Variants in SEPTIN11 observed in about 807,000 individuals in gnomAD.
SEPTIN11 encodes the protein septin 11.
Under a neutral mutation model 51.4 loss-of-function variants are expected in SEPTIN11, and 25 were observed. The observed-to-expected ratio is 0.49, with a 90% CI of 0.35 to 0.68. The LOEUF (loss-of-function observed/expected upper bound fraction) is 0.68, where lower values mean the gene tolerates loss of function less well. Among genes scored for constraint, SEPTIN11 ranks in the 30% least tolerant of loss-of-function variants. The pLI is 0.00. For synonymous variants in SEPTIN11, 174 were observed against 184.1 expected (o/e 0.95, Z 0.44); for missense variants, 381 against 520.8 (o/e 0.73, Z 2.61).
chr4:76,967,740 GTTT>G (rs34274962), intron 1 of SEPTIN11, among the ~76,000 whole-genome samples: 78,200 of 149,106 alleles, frequency 0.52, 20,911 homozygotes, highest in Middle Eastern at 0.61. Context: ...ACCATTAATA[GTTT>G]TTTTTTTTTT....
chr4:77,011,546 T>C (rs950200606), intron 3 of SEPTIN11, among the ~76,000 whole-genome samples, 189 bp from the exon 4 acceptor site: 6 of 149,986 alleles, frequency 4.0e-5, no homozygotes, highest in South Asian at 4.3e-4. Flanking sequence ...CTACAAATGA[T>C]TGGGCGTGGC....
intron 2 of SEPTIN11, among the ~76,000 whole-genome samples, chr4:76,997,566 C>T (rs538912823): frequency 2.6e-5 from 4 of 152,130 alleles, no homozygotes; most frequent in Admixed American, 6.5e-5. Flanking sequence ...TTGGCAGGCA[C>T]GCTACACCAA....
At chr4:76,953,023 G>A (rs1262025048) in intron 1 of SEPTIN11, among the ~76,000 whole-genome samples, 1 of 152,204 alleles carries the variant, frequency 6.6e-6, no homozygotes, top group Non-Finnish European at 1.5e-5. Flanking sequence ...ATTTGGGTTA[G>A]CCTGCTCCCC....
intron 1 of SEPTIN11, among the ~76,000 whole-genome samples, chr4:76,976,898 C>T (rs984897720): frequency 2.6e-5 from 4 of 152,198 alleles, no homozygotes; most frequent in African/African-American, 9.6e-5. Flanking sequence ...GTCCCTGTCA[C>T]TTATAGCCAA....
chr4:76,989,047 C>T (rs1369378032), intron 1 of SEPTIN11, among the ~76,000 whole-genome samples: 1 of 152,210 alleles, frequency 6.6e-6, no homozygotes, highest in Non-Finnish European at 1.5e-5. Context: ...GCATCTCTAA[C>T]ATCCAGATTA....
intron 1 of SEPTIN11, among the ~76,000 whole-genome samples, chr4:76,965,061 AC>A (rs1486447282): frequency 2.0e-5 from 3 of 151,902 alleles, no homozygotes; most frequent in Non-Finnish European, 2.9e-5. Context: ...GATTCTTATG[AC>A]CTCTTTGAGA....
At chr4:76,951,613 A>G (rs909642595) in intron 1 of SEPTIN11, among the ~76,000 whole-genome samples, 5 of 152,248 alleles carry the variant, frequency 3.3e-5, no homozygotes, top group African/African-American at 1.2e-4. Context: ...CTTTAGATAA[A>G]TTGGCAAACG....
chr4:77,036,665 A>C lies in SEPTIN11; in HGVS notation c.*2153A>C. On this transcript the variant is annotated 3_prime_UTR_variant, in exon 10 of 10. Transcript: ENST00000264893. ...CAAATAGAAGCTTTTTTTTTTAAAA[A>C]ATGTATTGCTTCTGAACTTTTTTCT... 6.7e-7 allele frequency: 1 copy of C among 1,500,018 alleles called. No individual in the cohort carries two copies. The highest frequency in any genetic ancestry group is 2.5e-5 in the Admixed American group (1 of 39,698). The allele number at this position is 1,500,018 out of a possible 1,614,324, so 92.9% of individuals were successfully genotyped here.
intron 1 of SEPTIN11, among the ~76,000 whole-genome samples, chr4:76,995,613 A>AG (rs988382282): frequency 6.6e-6 from 1 of 152,114 alleles, no homozygotes; most frequent in African/African-American, 2.4e-5. Context: ...CTGCATCTTG[A>AG]GAAAAAAAGG....
Position 77,035,292 on chromosome 4 carries a change from T to A in SEPTIN11, c.*780T>A, listed in dbSNP as rs986599711. ...GTAACATTGCTTAGTAGAAGAATCT[T>A]CTTCTAAGGATGATGGGCTTTCTAC... On this transcript the variant is annotated 3_prime_UTR_variant, in exon 10 of 10. Coordinates refer to ENST00000264893, the MANE Select transcript of SEPTIN11 (RefSeq NM_018243.4). 1 of 985,332 alleles carries A rather than the reference T, an allele frequency of 1.0e-6. No individual in the cohort carries two copies. The highest frequency in any genetic ancestry group is 1.2e-6 in the Non-Finnish European group (1 of 829,942). 61.0% of individuals were successfully genotyped at this position (985,332 alleles called of 1,614,324 possible).
intron 1 of SEPTIN11, among the ~76,000 whole-genome samples, chr4:76,994,155 G>A (rs1160270299): frequency 6.6e-6 from 1 of 152,158 alleles, no homozygotes; most frequent in Non-Finnish European, 1.5e-5. Context: ...TACCGTTCAC[G>A]AACGGTTGAA....
chr4:77,010,200 GAC>G (rs1724764346), intron 3 of SEPTIN11, among the ~76,000 whole-genome samples: 1 of 152,138 alleles, frequency 6.6e-6, no homozygotes, highest in Admixed American at 6.5e-5. Context: ...AGGAAATTGA[GAC>G]ACAGAGAGGT....
intron 1 of SEPTIN11, among the ~76,000 whole-genome samples, chr4:76,951,498 GA>G (rs1006904354): frequency 8.6e-5 from 13 of 151,868 alleles, no homozygotes; most frequent in Admixed American, 8.5e-4. Flanking sequence ...TGAGAAAATT[GA>G]GGTCTATAGA....
intron 4 of SEPTIN11, among the ~76,000 whole-genome samples, 178 bp from the exon 5 acceptor site, chr4:77,014,678 G>T (rs528836487): frequency 2.5e-4 from 37 of 149,096 alleles, no homozygotes; most frequent in African/African-American, 8.1e-4. Context: ...AAAAAAAATT[G>T]TAGGTACATA....
intron 8 of SEPTIN11, among the ~76,000 whole-genome samples, chr4:77,029,299 T>C (rs1465678252): frequency 6.6e-6 from 1 of 152,160 alleles, no homozygotes; most frequent in East Asian, 1.9e-4. Flanking sequence ...GAAGTTAACA[T>C]AGATTTATAC....
intron 5 of SEPTIN11, among the ~76,000 whole-genome samples, chr4:77,018,796 C>T (rs555443952): frequency 6.6e-6 from 1 of 152,258 alleles, no homozygotes; most frequent in South Asian, 2.1e-4. Flanking sequence ...TTTTACGTTG[C>T]TTCCATTTTA....
intron 1 of SEPTIN11, among the ~76,000 whole-genome samples, chr4:76,995,592 G>A (rs1723656589): frequency 6.6e-6 from 1 of 152,050 alleles, no homozygotes; most frequent in Non-Finnish European, 1.5e-5. Context: ...CTGAGGGACT[G>A]TAGCTGATCT....
intron 1 of SEPTIN11, among the ~76,000 whole-genome samples, chr4:76,966,453 A>G (rs1461426242): frequency 2.0e-5 from 3 of 152,032 alleles, no homozygotes; most frequent in African/African-American, 7.2e-5. Flanking sequence ...AAGCCACAAG[A>G]TGAGTATAGC....
chr4:77,002,407 T>C (rs182181245), intron 2 of SEPTIN11, among the ~76,000 whole-genome samples: 1 of 152,218 alleles, frequency 6.6e-6, no homozygotes, highest in South Asian at 2.1e-4. Flanking sequence ...TTTATTGCTA[T>C]TCTTAGGGAA....
Sources: gnomAD v4.1 joint callset for allele counts (sites outside exome capture counted in the v4.1 genomes callset) on GRCh38, gnomAD v4.1.1 for gene constraint, MANE v1.5 for transcripts, NCBI Gene and HGNC (gene_info 2026-07-23, HGNC 2026-07-21) for gene names.